The following LPXN variants were observed in gnomAD, a reference collection of about 807,000 sequenced individuals.
LPXN encodes leupaxin.
In LPXN, 28 loss-of-function variants were observed where a neutral mutation model predicts 45.6. That is an observed-to-expected ratio of 0.61 (90% CI 0.45 to 0.84). LPXN has a LOEUF of 0.84. LPXN is among the 40% of genes least tolerant of loss of function. The probability of loss-of-function intolerance (pLI) is 0.00; values close to 1 mark genes in which losing one functional copy is unlikely to be tolerated. For missense variants in LPXN, 459 were observed against 475.0 expected (o/e 0.97, Z 0.31); for synonymous variants, 166 against 169.9 (o/e 0.98, Z 0.18).
Position 58,528,886 on chromosome 11 carries a change from G to A in LPXN, c.743-695C>T, listed in dbSNP as rs369367219. On this transcript the variant is annotated intron_variant, in intron 7 of 8. Transcript: ENST00000395074. ...ATATTATTTTTATTGTTTACCAGCA[G>A]TGTATGAAAATCCCAATTATTCCTC... Among the ~76,000 whole-genome samples the A allele has an allele frequency of 2.0e-4, 31 of 152,158 alleles. No homozygotes were observed. In the East Asian group the frequency reaches 3.7e-3, roughly 18 times the overall value.
At chr11:58,556,750 A>T (rs960197343) in intron 3 of LPXN, among the ~76,000 whole-genome samples, 4 of 152,166 alleles carry the variant, frequency 2.6e-5, no homozygotes, top group Non-Finnish European at 5.9e-5. Context: ...TGCGAAAAAA[A>T]GAACCTGTTC....
At chr11:58,560,800 T>C (rs1854350631) in intron 3 of LPXN, among the ~76,000 whole-genome samples, 1 of 152,246 alleles carries the variant, frequency 6.6e-6, no homozygotes, top group East Asian at 1.9e-4. Context: ...AAGTTTGTGC[T>C]GTGTGTCCTG....
intron 3 of LPXN, among the ~76,000 whole-genome samples, chr11:58,558,245 T>C (rs190181403): frequency 2.3e-4 from 35 of 151,782 alleles, no homozygotes; most frequent in African/African-American, 8.2e-4. Flanking sequence ...TTGTATGATG[T>C]TGGTAAAGAA....
In LPXN at chr11:58,564,176, A is replaced by G. The variant is rs753089300; in HGVS notation, c.197T>C (p.Ile66Thr). 1 of 1,603,390 alleles carries G rather than the reference A, an allele frequency of 6.2e-7. No individual in the cohort carries two copies. Among genetic ancestry groups the G allele is most frequent in the Non-Finnish European group, 8.5e-7 (1 of 1,174,016 alleles). Residue 66 changes from isoleucine (I) to threonine (T), a missense_variant, in exon 3 of 9, where the codon ATC becomes ACC. Transcript: ENST00000395074. The stretch of plus-strand genomic sequence containing the variant: ...ATACCTGTAGACATTGAGCTCCTGG[A>G]TATTGGTAGTATACACGAGCTGCGC... ...LPAQLVYTTN[I>T]QELNVYSEAQ...
intron 1 of LPXN, among the ~76,000 whole-genome samples, chr11:58,572,919 T>G (rs1410226381): frequency 6.6e-6 from 1 of 152,208 alleles, no homozygotes; most frequent in Non-Finnish European, 1.5e-5. Flanking sequence ...TTTGCATACT[T>G]AAATTTCTTT....
intron 2 of LPXN, 129 bp from the exon 3 acceptor site, chr11:58,564,330 T>A (rs879635469): frequency 2.7e-4 from 181 of 659,516 alleles, no homozygotes; most frequent in Admixed American, 4.7e-4. Context: ...GGCATATCTA[T>A]GAGCTCTTCT....
intron 7 of LPXN, among the ~76,000 whole-genome samples, chr11:58,528,579 C>T (rs1352472783): frequency 1.4e-4 from 21 of 152,114 alleles, no homozygotes; most frequent in Non-Finnish European, 1.5e-5. Context: ...CTTCTTTCAC[C>T]GTCTTTATGG....
At chr11:58,569,243 T>C (rs953878127) in intron 2 of LPXN, among the ~76,000 whole-genome samples, 3 of 152,248 alleles carry the variant, frequency 2.0e-5, no homozygotes, top group Admixed American at 6.5e-5. Context: ...CATCTTACAC[T>C]AATTCCATTC....
chr11:58,543,404 C>A (rs79537939), intron 7 of LPXN, among the ~76,000 whole-genome samples: 1 of 152,240 alleles, frequency 6.6e-6, no homozygotes, highest in African/African-American at 2.4e-5. Context: ...TTAACTTTTA[C>A]GTAAGAATCC....
chr11:58,528,340 T>A, intron 7 of LPXN, 149 bp from the exon 8 acceptor site: 1 of 744,634 alleles, frequency 1.3e-6, no homozygotes, highest in Non-Finnish European at 2.2e-6. Context: ...TTGTAAGAAA[T>A]AAATGAGATA....
chr11:58,534,632 C>A (rs1853493417), intron 7 of LPXN, among the ~76,000 whole-genome samples: 1 of 151,958 alleles, frequency 6.6e-6, no homozygotes, highest in South Asian at 2.1e-4. Flanking sequence ...CAAGAGCAAA[C>A]AAATTAAAAA....
chr11:58,547,793 C>T (rs187896131), intron 7 of LPXN, among the ~76,000 whole-genome samples: 2 of 152,288 alleles, frequency 1.3e-5, no homozygotes, highest in East Asian at 3.9e-4. Flanking sequence ...ATATTTAGAA[C>T]TGTTTTTTAA....
chr11:58,527,887 G>A (rs1039291055), intron 8 of LPXN, among the ~76,000 whole-genome samples, 156 bp downstream of exon 8: 1 of 152,238 alleles, frequency 6.6e-6, no homozygotes, highest in African/African-American at 2.4e-5. Flanking sequence ...TTGCAAAACA[G>A]ACAAGCAAAT....
chr11:58,535,511 A>C (rs1853523653), intron 7 of LPXN, among the ~76,000 whole-genome samples: 1 of 152,128 alleles, frequency 6.6e-6, no homozygotes, highest in Admixed American at 6.6e-5. Context: ...GTATTGATGG[A>C]ATGTATCTCA....
intron 7 of LPXN, among the ~76,000 whole-genome samples, chr11:58,534,263 T>C (rs769157761): frequency 2.6e-5 from 4 of 152,084 alleles, no homozygotes; most frequent in Non-Finnish European, 4.4e-5. Context: ...AAATCGACTA[T>C]GTAATTGTAA....
intron 7 of LPXN, among the ~76,000 whole-genome samples, chr11:58,543,254 A>G (rs1853782867): frequency 6.6e-6 from 1 of 152,202 alleles, no homozygotes; most frequent in South Asian, 2.1e-4. Flanking sequence ...TGACACATAT[A>G]TAGTAGTTGC....
intron 3 of LPXN, among the ~76,000 whole-genome samples, chr11:58,561,328 A>G (rs1214186484): frequency 1.3e-5 from 2 of 152,216 alleles, no homozygotes; most frequent in Admixed American, 1.3e-4. Flanking sequence ...TGGATACGAC[A>G]TATCTCATGT....
intron 2 of LPXN, among the ~76,000 whole-genome samples, chr11:58,566,708 G>A (rs1854537243): frequency 6.6e-6 from 1 of 152,120 alleles, no homozygotes; most frequent in Non-Finnish European, 1.5e-5. Context: ...TCCTTTGCAA[G>A]CCTTATTTTA....
In LPXN at chr11:58,570,755, A is replaced by C. The variant is rs748916676; in HGVS notation, c.14-42T>G. 3 of 1,489,310 alleles carry C rather than the reference A, an allele frequency of 2.0e-6. No individual in the cohort carries two copies. In the South Asian group the frequency reaches 3.8e-5, roughly 19 times the overall value. 92.3% of individuals were successfully genotyped at this position (1,489,310 alleles called of 1,614,324 possible). A position where few individuals can be genotyped will look rare whatever the true frequency, so the allele number is the denominator to read the frequency against. The stretch of plus-strand genomic sequence containing the variant: ...AAGAGAATCATGACAGAGAATATTT[A>C]AATCCCTACAGTCATTTTCTCCTTA... On this transcript the variant is annotated intron_variant, in intron 1 of 8. Transcript: ENST00000395074.
Sources: allele counts gnomAD v4.1 joint callset (sites outside exome capture counted in the v4.1 genomes callset), GRCh38; gene constraint gnomAD v4.1.1; transcripts MANE v1.5; gene names NCBI Gene and HGNC (gene_info 2026-07-23, HGNC 2026-07-21).